The following PCBD2 variants were observed in gnomAD, a reference collection of about 807,000 sequenced individuals.
PCBD2 encodes the protein pterin-4-alpha-carbinolamine dehydratase 2.
PCBD2 carries 12 observed loss-of-function variants against 16.4 expected under a neutral mutation model. That is an observed-to-expected ratio of 0.73 (90% CI 0.47 to 1.19). The LOEUF is 1.19. Ranked by LOEUF, PCBD2 falls within the 50% of genes most tolerant of loss-of-function variation. The pLI, the probability that PCBD2 is intolerant of heterozygous loss-of-function variation, is 0.00. For missense variants in PCBD2, 138 were observed against 156.8 expected, an observed-to-expected ratio of 0.88 and a Z score of 0.64; for synonymous variants, 58 against 61.8, an observed-to-expected ratio of 0.94 and a Z score of 0.29.
intron 2 of PCBD2, among the ~76,000 whole-genome samples, chr5:134,931,079 G>A (rs951709107): frequency 1.3e-5 from 2 of 151,894 alleles, no homozygotes; most frequent in Non-Finnish European, 1.5e-5. Context: ...CACCATGCCC[G>A]GCTAATTTTT....
chr5:134,916,594 A>T (rs1174386746), intron 2 of PCBD2, among the ~76,000 whole-genome samples: 1 of 152,248 alleles, frequency 6.6e-6, no homozygotes, highest in African/African-American at 2.4e-5. Flanking sequence ...CAGGTTTACT[A>T]TAAGAATAAA....
chr5:134,905,171 CGCGGCGCTTGTTG>C lies in PCBD2; in HGVS notation c.41_53del (p.Leu14CysfsTer6). 2 of 1,223,044 alleles carry C rather than the reference CGCGGCGCTTGTTG, an allele frequency of 1.6e-6. No homozygotes were observed. The highest frequency in any genetic ancestry group is 4.1e-5 in the South Asian group (1 of 24,264). 75.8% of individuals were successfully genotyped at this position (1,223,044 alleles called of 1,614,324 possible). On this transcript the variant is annotated frameshift_variant, in exon 1 of 4. Transcript: ENST00000254908. LOFTEE classifies it high-confidence loss of function. Reference sequence around the variant, plus strand: ...GCGGTGCTCGGGGCGCTCGGGGCGACGCGGCGCTTGTTGGCGGCGCTGCGAGGCCAGAGCCTAG... The same window carrying C: ...GCGGTGCTCGGGGCGCTCGGGGCGACGCGGCGCTGCGAGGCCAGAGCCTAG...
intron 2 of PCBD2, among the ~76,000 whole-genome samples, chr5:134,952,856 A>G (rs1213122514): frequency 1.3e-5 from 2 of 151,618 alleles, no homozygotes; most frequent in East Asian, 1.9e-4. Flanking sequence ...AAATGTTTCT[A>G]TTTATTCCTA....
At chr5:134,945,492 C>G (rs1242944178) in intron 2 of PCBD2, among the ~76,000 whole-genome samples, 1 of 152,144 alleles carries the variant, frequency 6.6e-6, no homozygotes, top group African/African-American at 2.4e-5. Context: ...CCAGAAACTT[C>G]CTAGATCAAC....
intron 2 of PCBD2, among the ~76,000 whole-genome samples, chr5:134,923,013 A>G (rs1580881520): frequency 6.6e-6 from 1 of 152,168 alleles, no homozygotes; most frequent in African/African-American, 2.4e-5. Context: ...GTTAGTGAAC[A>G]CTTAAACTAT....
chr5:134,941,289 A>G (rs1013426968), intron 2 of PCBD2, among the ~76,000 whole-genome samples: 2 of 152,160 alleles, frequency 1.3e-5, no homozygotes, highest in African/African-American at 4.8e-5. Context: ...TTGTTTTGGC[A>G]CACTAGACTG....
At chr5:134,949,212 C>G (rs769793773) in intron 2 of PCBD2, among the ~76,000 whole-genome samples, 8 of 152,104 alleles carry the variant, frequency 5.3e-5, no homozygotes, top group Non-Finnish European at 1.0e-4. Flanking sequence ...CGTGCCGACA[C>G]CCACTCAGAG....
chr5:134,938,536 G>A (rs1751188333), intron 2 of PCBD2, among the ~76,000 whole-genome samples: 1 of 152,144 alleles, frequency 6.6e-6, no homozygotes, highest in African/African-American at 2.4e-5. Flanking sequence ...GTGCTTGGGA[G>A]CTTTATGTGT....
intron 2 of PCBD2, 82 bp from the exon 3 acceptor site, chr5:134,958,958 G>A (rs1040888324): frequency 1.9e-6 from 2 of 1,056,718 alleles, no homozygotes; most frequent in Non-Finnish European, 1.4e-6. Context: ...CTGCCTTTAT[G>A]TGGTTGGATT....
intron 2 of PCBD2, among the ~76,000 whole-genome samples, chr5:134,934,894 T>C (rs981765028): frequency 1.2e-4 from 19 of 152,338 alleles, no homozygotes; most frequent in Middle Eastern, 3.4e-3. Context: ...GTCAAGACTG[T>C]TAAAAAACAT....
intron 2 of PCBD2, among the ~76,000 whole-genome samples, chr5:134,917,546 G>A (rs1377022741): frequency 3.3e-5 from 5 of 152,238 alleles, no homozygotes; most frequent in Non-Finnish European, 7.3e-5. Context: ...GGCCCTGTCT[G>A]TGCTTTCTTC....
At chr5:134,912,040 A>G (rs748564595) in intron 2 of PCBD2, among the ~76,000 whole-genome samples, 5 of 152,266 alleles carry the variant, frequency 3.3e-5, no homozygotes, top group Admixed American at 3.3e-4. Flanking sequence ...GGCCCTGCCT[A>G]TGATTCAGTC....
At chr5:134,933,152 A>G (rs1561911527) in intron 2 of PCBD2, among the ~76,000 whole-genome samples, 1 of 152,226 alleles carries the variant, frequency 6.6e-6, no homozygotes. Flanking sequence ...ATTTGGGATC[A>G]TATTATAGAT....
At position 134,912,616 on chromosome 5, in the gene PCBD2, C is replaced by T. The variant is rs1750782466; in HGVS notation, c.216+2150C>T. Among the ~76,000 whole-genome samples the T allele has an allele frequency of 2.6e-5, 4 of 152,206 alleles. No individual in the cohort carries two copies. The South Asian group carries it at 8.3e-4, about 31-fold the overall frequency. On this transcript the variant is annotated intron_variant, in intron 2 of 3. Transcript: ENST00000254908. ...CTGAAACTGAAGAAGAAGCAATAGT[C>T]ACTCATTAGCTGGGAGAGGAGGATG...
chr5:134,945,308 T>G (rs1002670013), intron 2 of PCBD2, among the ~76,000 whole-genome samples: 2 of 152,200 alleles, frequency 1.3e-5, no homozygotes, highest in African/African-American at 4.8e-5. Context: ...GTGTGCTGCG[T>G]GCCTGTCAAC....
chr5:134,928,696 G>A (rs1334664529), intron 2 of PCBD2, among the ~76,000 whole-genome samples: 5 of 152,152 alleles, frequency 3.3e-5, no homozygotes, highest in Non-Finnish European at 7.4e-5. Flanking sequence ...TTAGCCAGGC[G>A]TGGTGGCGGG....
At chr5:134,913,107 T>G (rs963692773) in intron 2 of PCBD2, among the ~76,000 whole-genome samples, 1 of 152,200 alleles carries the variant, frequency 6.6e-6, no homozygotes, top group African/African-American at 2.4e-5. Flanking sequence ...TTTTTTAAAT[T>G]TTATCATGAA....
At chr5:134,934,895 T>TA (rs1156561991) in intron 2 of PCBD2, among the ~76,000 whole-genome samples, 3 of 152,350 alleles carry the variant, frequency 2.0e-5, no homozygotes, top group Non-Finnish European at 2.9e-5. Flanking sequence ...TCAAGACTGT[T>TA]AAAAAACATC....
chr5:134,917,548 G>A (rs1451253810), intron 2 of PCBD2, among the ~76,000 whole-genome samples: 2 of 152,266 alleles, frequency 1.3e-5, no homozygotes, highest in Non-Finnish European at 2.9e-5. Context: ...CCCTGTCTGT[G>A]CTTTCTTCGG....
Sources: gnomAD v4.1 joint callset for allele counts (sites outside exome capture counted in the v4.1 genomes callset) on GRCh38, gnomAD v4.1.1 for gene constraint, MANE v1.5 for transcripts, NCBI Gene and HGNC (gene_info 2026-07-23, HGNC 2026-07-21) for gene names.